The following TCF7L1 variants were observed in gnomAD, a reference collection of about 807,000 sequenced individuals.
TCF7L1 encodes transcription factor 7-like 1.
TCF7L1 carries 18 observed loss-of-function variants against 63.7 expected under a neutral mutation model. The ratio of observed to expected loss-of-function variants is 0.28; its 90% CI spans 0.20 to 0.42. The LOEUF is 0.42. Ranked by LOEUF, TCF7L1 falls within the 10% of genes least tolerant of loss-of-function variation. The pLI, the probability that TCF7L1 is intolerant of heterozygous loss-of-function variation, is 1.00. For synonymous variants in TCF7L1, 355 were observed against 340.9 expected (o/e 1.04, Z -0.46); for missense variants, 654 against 779.3 (o/e 0.84, Z 1.91).
At chr2:85,285,974 C>T (rs1681537573) in intron 4 of TCF7L1, among the ~76,000 whole-genome samples, 1 of 151,550 alleles carries the variant, frequency 6.6e-6, no homozygotes, top group South Asian at 2.1e-4. Context: ...GGCAGATAAC[C>T]TCAGGTCGAG....
At chr2:85,200,302 C>A (rs148906466) in intron 3 of TCF7L1, among the ~76,000 whole-genome samples, 1 of 152,242 alleles carries the variant, frequency 6.6e-6, no homozygotes. Flanking sequence ...GGACGCCAAC[C>A]CCTCATGCAG....
chr2:85,290,616 G>C (rs1042102265), intron 4 of TCF7L1, among the ~76,000 whole-genome samples: 2 of 152,168 alleles, frequency 1.3e-5, no homozygotes, highest in African/African-American at 2.4e-5. Context: ...GCTTAGCTTG[G>C]TATGAAAAGT....
intron 3 of TCF7L1, among the ~76,000 whole-genome samples, chr2:85,166,525 G>A (rs1321166434): frequency 1.3e-5 from 2 of 152,238 alleles, no homozygotes; most frequent in Non-Finnish European, 2.9e-5. Context: ...GGGTTGTAGG[G>A]TAAGGTCTTA....
At chr2:85,300,875 G>A (rs555225333) in intron 4 of TCF7L1, among the ~76,000 whole-genome samples, 1 of 152,008 alleles carries the variant, frequency 6.6e-6, no homozygotes, top group Non-Finnish European at 1.5e-5. Context: ...TGCCTCCTGG[G>A]TTCCAGCAAT....
intron 4 of TCF7L1, among the ~76,000 whole-genome samples, chr2:85,298,502 A>T (rs867466418): frequency 2.4e-5 from 3 of 127,066 alleles, no homozygotes; most frequent in African/African-American, 6.3e-5. Flanking sequence ...AAAAAAAAAA[A>T]GCATGTGAGA....
Position 85,133,917 on chromosome 2 carries a change from G to C in TCF7L1, c.233G>C (p.Ser78Thr). 1 of 1,530,416 alleles carries C rather than the reference G, an allele frequency of 6.5e-7. No homozygotes were observed. The highest frequency in any genetic ancestry group is 8.8e-7 in the Non-Finnish European group (1 of 1,134,618). The allele number at this position is 1,530,416 out of a possible 1,614,324, so 94.8% of individuals were successfully genotyped here. The change falls in exon 1 of 12, where the codon AGC becomes ACC. Residue 78 changes from serine (S) to threonine (T), a missense_variant. By Grantham distance (58) the Ser-to-Thr change is moderately conservative (BLOSUM62 1). Transcript: ENST00000282111. The surrounding 1 kb of genome is among the most constrained non-coding windows in gnomAD (Gnocchi z 4.4). ...GTCAACGAGTCGGAGAACCAGAGCA[G>C]CAGCTCGGACTCGGAGGTAAGGAAG... ...SLVNESENQS[S>T]SSDSEAERRP...
At chr2:85,137,753 C>T (rs755571057) in intron 3 of TCF7L1, among the ~76,000 whole-genome samples, 1 of 151,968 alleles carries the variant, frequency 6.6e-6, no homozygotes, top group African/African-American at 2.4e-5. Flanking sequence ...ATTAGCCAGG[C>T]GTGCTGGCGA....
intron 3 of TCF7L1, among the ~76,000 whole-genome samples, chr2:85,255,048 C>G (rs991264646): frequency 3.3e-5 from 5 of 152,192 alleles, no homozygotes; most frequent in African/African-American, 1.2e-4. Flanking sequence ...CTTGGTGAAG[C>G]AGCATACAGA....
chr2:85,230,673 C>T (rs1185216815), intron 3 of TCF7L1, among the ~76,000 whole-genome samples: 2 of 152,154 alleles, frequency 1.3e-5, no homozygotes, highest in Non-Finnish European at 2.9e-5. Flanking sequence ...CACCAGATTT[C>T]CTTGCAGGGG....
At chr2:85,251,913 A>T (rs1680597900) in intron 3 of TCF7L1, among the ~76,000 whole-genome samples, 1 of 152,082 alleles carries the variant, frequency 6.6e-6, no homozygotes, top group African/African-American at 2.4e-5. Context: ...ATCACTACAA[A>T]CGATACAAAA....
At chr2:85,143,523 A>G (rs1457637875) in intron 3 of TCF7L1, among the ~76,000 whole-genome samples, 3 of 152,202 alleles carry the variant, frequency 2.0e-5, no homozygotes, top group Non-Finnish European at 2.9e-5. Flanking sequence ...ATAGCTTCTA[A>G]CCTGCTAAGA....
intron 3 of TCF7L1, among the ~76,000 whole-genome samples, chr2:85,179,054 T>C (rs2104247340): frequency 6.6e-6 from 1 of 152,282 alleles, no homozygotes; most frequent in African/African-American, 2.4e-5. Context: ...CTGGTGCTTC[T>C]CTCCACCTCT....
chr2:85,191,622 C>G (rs142326378), intron 3 of TCF7L1, among the ~76,000 whole-genome samples: 1 of 152,138 alleles, frequency 6.6e-6, no homozygotes, highest in East Asian at 1.9e-4. Flanking sequence ...GTCAGGAGTT[C>G]GAGACCAGCC....
chr2:85,305,717 A>G (rs1682090607), intron 8 of TCF7L1, among the ~76,000 whole-genome samples: 1 of 152,174 alleles, frequency 6.6e-6, no homozygotes, highest in Non-Finnish European at 1.5e-5. Flanking sequence ...TGAGGCCCAG[A>G]AAGGAGACAG....
intron 3 of TCF7L1, among the ~76,000 whole-genome samples, chr2:85,259,196 C>T (rs558187837): frequency 2.6e-5 from 4 of 152,208 alleles, no homozygotes; most frequent in Admixed American, 6.5e-5. Flanking sequence ...GCGGCCGAGC[C>T]GCTGCAGACT....
intron 3 of TCF7L1, among the ~76,000 whole-genome samples, chr2:85,229,271 C>T (rs1166229710): frequency 2.0e-5 from 3 of 152,050 alleles, no homozygotes; most frequent in Non-Finnish European, 4.4e-5. Context: ...CACTTGAACC[C>T]GGGAGGCGGA....
At chr2:85,239,377 C>T (rs550526607) in intron 3 of TCF7L1, among the ~76,000 whole-genome samples, 1 of 152,148 alleles carries the variant, frequency 6.6e-6, no homozygotes, top group African/African-American at 2.4e-5. Flanking sequence ...CAGCATCCCT[C>T]CCCCTCATGC....
At chr2:85,279,200 A>G (rs1369608452) in intron 3 of TCF7L1, among the ~76,000 whole-genome samples, 1 of 152,206 alleles carries the variant, frequency 6.6e-6, no homozygotes, top group Admixed American at 6.5e-5. Flanking sequence ...TACTTCCCCA[A>G]GGACATGCTC....
Position 85,304,267 on chromosome 2 carries a change from C to T in TCF7L1, c.774C>T (p.Pro258=), listed in dbSNP as rs1200625064. 1 of 1,614,010 alleles carries T rather than the reference C, an allele frequency of 6.2e-7. No individual in the cohort carries two copies. The highest frequency in any genetic ancestry group is 1.3e-5 in the African/African-American group (1 of 75,036). The change falls in exon 7 of 12, where the codon CCC becomes CCT. Residue 258 remains proline (P), a synonymous_variant. Transcript: ENST00000282111. The part of the protein sequence containing the change: ...LGWLVPQQGQ[P]MYSLPPGGFR... ...CTCCCCCTCACAGGCAAGGCCAGCC[C>T]ATGTACTCCCTTCCTCCCGGTGGCT...
Sources: gnomAD v4.1 joint callset for allele counts (sites outside exome capture counted in the v4.1 genomes callset) on GRCh38, gnomAD v4.1.1 for gene constraint, Gnocchi (gnomAD v3.1) non-coding constraint, MANE v1.5 for transcripts, NCBI Gene and HGNC (gene_info 2026-07-23, HGNC 2026-07-21) for gene names.